SEC16A: variants seen among roughly 807,000 people sequenced by gnomAD.
The protein encoded by SEC16A is SEC16 homolog A, endoplasmic reticulum export factor.
In SEC16A, 110 loss-of-function variants were observed where a neutral mutation model predicts 221.9. That is an observed-to-expected ratio of 0.50 (90% CI 0.42 to 0.58). The LOEUF (loss-of-function observed/expected upper bound fraction) is 0.58. Ranked by LOEUF, SEC16A falls within the 20% of genes least tolerant of loss-of-function variation. The pLI, the probability that SEC16A is intolerant of heterozygous loss-of-function variation, is 0.00. For missense variants in SEC16A, 3,165 were observed against 3,097.8 expected, an observed-to-expected ratio of 1.02 and a Z score of -0.52; for synonymous variants, 1,393 against 1,257.7, an observed-to-expected ratio of 1.11 and a Z score of -2.28.
Position 136,473,308 on chromosome 9 carries a change from C to T in SEC16A, c.3567+741G>A, listed in dbSNP as rs191893469. 1.4e-3 allele frequency among the ~76,000 whole-genome samples: 212 copies of T among 152,358 alleles called. 6 individuals carry two copies. The highest frequency in any genetic ancestry group is 0.013 in the Admixed American group (195 of 15,306). On this transcript the variant is annotated intron_variant, in intron 3 of 31. Coordinates refer to ENST00000684901, the MANE Select transcript of SEC16A (RefSeq NM_014866.2). ...CCTTCTACCTGGGGTGACACTGAAT[C>T]GGTGAACCCAATCGGTGTATGTTGA...
At chr9:136,442,882 G>A (rs1836390898) in intron 31 of SEC16A, among the ~76,000 whole-genome samples, 1 of 152,232 alleles carries the variant, frequency 6.6e-6, no homozygotes, top group African/African-American at 2.4e-5. Context: ...AAGTCACCCT[G>A]GGACCTTTCT....
In SEC16A at chr9:136,455,774, T is replaced by C; in HGVS notation, c.5684A>G (p.His1895Arg). ...RQIKEGAGVW[H>R]QDGALPQQCP... is the part of the protein sequence containing the mutation. ...CTGCTGCGGGAGGGCTCCATCCTGA[T>C]GCCATACTCCAGCCCCCTCCTGAGG... Residue 1895 changes from histidine to arginine, a missense_variant, in exon 20 of 32, where the codon CAT becomes CGT. His to Arg is a conservative substitution (Grantham distance 29). Transcript: ENST00000684901. The C allele has an allele frequency of 6.2e-7, 1 of 1,600,660 alleles. No homozygotes were observed. The highest frequency in any genetic ancestry group is 8.5e-7 in the Non-Finnish European group (1 of 1,173,846).
At position 136,470,870 on chromosome 9, in the gene SEC16A, G is replaced by A. The variant is rs112020557; in HGVS notation, c.3704+1105C>T. On this transcript the variant is annotated intron_variant, in intron 4 of 31. Coordinates refer to ENST00000684901, the MANE Select transcript of SEC16A (RefSeq NM_014866.2). ...AGAAGCAATATCCCCTTGCAGGAAG[G>A]CTCTATCTGTGAGACAGTCTCTCTC... 4.6e-3 allele frequency among the ~76,000 whole-genome samples: 705 copies of A among 152,322 alleles called. 4 individuals are homozygous for A. Among genetic ancestry groups the A allele is most frequent in the Non-Finnish European group, 8.4e-3 (574 of 68,020 alleles).
At chr9:136,458,112 C>T (rs1040249956) in intron 17 of SEC16A, among the ~76,000 whole-genome samples, 1 of 151,520 alleles carries the variant, frequency 6.6e-6, no homozygotes, top group Non-Finnish European at 1.5e-5. Flanking sequence ...CATGCTGCCA[C>T]GCCTGGCTAA....
At position 136,459,140 on chromosome 9, in the gene SEC16A, A is replaced by G; in HGVS notation, c.5403T>C (p.Ser1801=). The G allele has an allele frequency of 1.2e-6, 2 of 1,607,588 alleles. No individual in the cohort carries two copies. The highest frequency in any genetic ancestry group is 1.7e-6 in the Non-Finnish European group (2 of 1,175,568). ...SLGAETCPLP[S]FQVFKFIYSC... is the part of the protein sequence containing the mutation. ...GCTGGCAGCACCTGCTTACCTGGAA[A>G]CTAGGCAGGGGGCAGGTCTCGGCAC... The change falls in exon 17 of 32, where the codon AGT becomes AGC. Residue 1801 remains serine, a synonymous_variant. Transcript: ENST00000684901. This position sits in a 1 kb window ranked among gnomAD's most constrained non-coding sequence, Gnocchi z 6.1.
chr9:136,448,416 G>A, intron 23 of SEC16A: 2 of 702,438 alleles, frequency 2.8e-6, no homozygotes, highest in Non-Finnish European at 5.2e-6. Context: ...GGATGGAGGT[G>A]GGGGGCGATC....
In SEC16A at chr9:136,472,020, C is replaced by T. The variant is rs776597126; in HGVS notation, c.3659G>A (p.Arg1220Gln). 4 of 1,611,846 alleles carry T rather than the reference C, an allele frequency of 2.5e-6. No individual in the cohort carries two copies. The highest frequency in any genetic ancestry group is 2.2e-5 in the East Asian group (1 of 44,872). The stretch of plus-strand genomic sequence containing the variant: ...GGAGTGGCTGGCTCGGGAGCTGGGC[C>T]GCTCGGGCTCGGGATAGCGGTAGTT... ...AQNYRYPEPE[R>Q]PSSRASHSSE... Residue 1220 changes from arginine to glutamine, a missense_variant, in exon 4 of 32, where the codon CGG (arginine) becomes CAG (glutamine). Around this residue, in one of 3 missense-constraint regions of SEC16A, gnomAD observed 2,030 missense variants for 1,923.1 expected, o/e 1.06. Coordinates refer to ENST00000684901, the MANE Select transcript of SEC16A (RefSeq NM_014866.2).
chr9:136,468,595 G>T, intron 4 of SEC16A, 83 bp from the exon 5 acceptor site: 1 of 856,986 alleles, frequency 1.2e-6, no homozygotes, highest in Non-Finnish European at 1.9e-6. Context: ...CATTCCCAAA[G>T]CAATGGGCAT....
intron 1 of SEC16A, among the ~76,000 whole-genome samples, chr9:136,479,999 CAA>C (rs11330512): frequency 7.0e-6 from 1 of 143,794 alleles, no homozygotes; most frequent in African/African-American, 2.6e-5. Flanking sequence ...GAAACTGTCT[CAA>C]AAAAAAAAAG....
rs1840233981 is a variant in SEC16A at position 136,466,895 on chromosome 9, G to A, written c.3929+62C>T. The A allele has an allele frequency of 1.3e-6, 2 of 1,554,692 alleles. No individual in the cohort carries two copies. The highest frequency in any genetic ancestry group is 1.9e-5 in the Admixed American group (1 of 51,488). On this transcript the variant is annotated intron_variant, in intron 6 of 31. Transcript: ENST00000684901. The surrounding 1 kb of genome is among the most constrained non-coding windows in gnomAD (Gnocchi z 5.5). ...TTGTTAAAACCCAGACATGAGGGCAGAGAAGCACTAGCGCGCCCTGGCTGC... is the reference window on the plus strand; with the variant it reads ...TTGTTAAAACCCAGACATGAGGGCAAAGAAGCACTAGCGCGCCCTGGCTGC...
chr9:136,456,094 T>G lies in SEC16A; in HGVS notation c.5623A>C (p.Thr1875Pro). Residue 1875 changes from threonine to proline, a missense_variant, in exon 19 of 32, where the codon ACG (threonine) becomes CCG (proline). Coordinates refer to ENST00000684901, the MANE Select transcript of SEC16A (RefSeq NM_014866.2). ...ACCTGCTGCAGGTGAACCAGCCACG[T>G]GGGTGCGGCCAAGGACTCCTCTTCT... Reference protein sequence around the residue: ...KPEEESLAAPTWLVHLQQVER... With the variant: ...KPEEESLAAPPWLVHLQQVER... 1 of 1,613,024 alleles carries G rather than the reference T, an allele frequency of 6.2e-7. No homozygotes were observed. The highest frequency in any genetic ancestry group is 8.5e-7 in the Non-Finnish European group (1 of 1,179,750).
intron 12 of SEC16A, among the ~76,000 whole-genome samples, chr9:136,462,552 G>A (rs950430255): frequency 8.6e-4 from 131 of 152,308 alleles, no homozygotes; most frequent in African/African-American, 3.0e-3. Flanking sequence ...TTGTGAGAAT[G>A]CCACAACTTG....
chr9:136,474,936 G>C lies in SEC16A; in HGVS notation c.2680C>G (p.Leu894Val). ...SLSGIPTSSV[L>V]SLSLPSSVAQ... ...ACACTGCTAGGCAGAGACAAGCTAA[G>C]GACAGAGCTGGTTGGAATCCCAGAC... The change falls in exon 3 of 32, where the codon CTT becomes GTT. Residue 894 changes from leucine to valine, a missense_variant. Leu to Val is a conservative substitution (Grantham distance 32). This residue lies in a region of SEC16A where 2,030 missense variants were observed against 1,923.1 expected (regional missense o/e 1.06). Transcript: ENST00000684901. The C allele has an allele frequency of 6.2e-7, 1 of 1,613,842 alleles. No homozygotes were observed. Among genetic ancestry groups the C allele is most frequent in the African/African-American group, 1.3e-5 (1 of 75,010 alleles).
chr9:136,453,478 A>G lies in SEC16A; in HGVS notation c.6109T>C (p.Ser2037Pro), dbSNP rs773017219. ...IVPQEAPVGN[S>P]LSELSEENFD... is the part of the protein sequence containing the mutation. The stretch of plus-strand genomic sequence containing the variant: ...TTTTCTTCGCTTAGCTCGGAAAGTG[A>G]GTTTCCAACAGGCGCCTCCTGCGGC... The change falls in exon 22 of 32, where the codon TCA (serine) becomes CCA (proline). Residue 2037 changes from serine (S) to proline (P), a missense_variant. Physicochemically the swap from Ser to Pro is moderately conservative, Grantham distance 74. Around this residue, in one of 3 missense-constraint regions of SEC16A, gnomAD observed 1,088 missense variants for 1,089.6 expected, o/e 1.00. Coordinates refer to ENST00000684901, the MANE Select transcript of SEC16A (RefSeq NM_014866.2). 12 of 1,613,514 alleles carry G rather than the reference A, an allele frequency of 7.4e-6. No homozygotes were observed. In the South Asian group the frequency reaches 1.3e-4, roughly 18 times the overall value.
At position 136,466,691 on chromosome 9, in the gene SEC16A, G is replaced by A. The variant is rs572880332; in HGVS notation, c.3930-229C>T. 1.3e-5 allele frequency among the ~76,000 whole-genome samples: 2 copies of A among 152,328 alleles called. No individual in the cohort carries two copies. Among genetic ancestry groups the A allele is most frequent in the South Asian group, 2.1e-4 (1 of 4,828 alleles). ...CAGGGCGCGACCGGTAAGAAGGGAC[G>A]ATGAGAAAGAGTGAGCCCAATCTCC... On this transcript the variant is annotated intron_variant, in intron 6 of 31. Coordinates refer to ENST00000684901, the MANE Select transcript of SEC16A (RefSeq NM_014866.2). This position sits in a 1 kb window ranked among gnomAD's most constrained non-coding sequence, Gnocchi z 5.5.
chr9:136,467,401 T>TA (rs1417234204), intron 5 of SEC16A, among the ~76,000 whole-genome samples: 14 of 152,254 alleles, frequency 9.2e-5, no homozygotes, highest in Non-Finnish European at 1.5e-4. Context: ...GATGGGGTCT[T>TA]ACTATGTTTC....
At chr9:136,448,184 C>T (rs753712764) in intron 23 of SEC16A, 23 bp from the exon 24 acceptor site, 1 of 1,593,432 alleles carries the variant, frequency 6.3e-7, no homozygotes, top group Non-Finnish European at 8.6e-7. Context: ...AACACGAGAA[C>T]AACTTTGAAA....
Position 136,476,009 on chromosome 9 carries a change from G to C in SEC16A, c.1607C>G (p.Ser536Ter). 6.2e-7 allele frequency: 1 copy of C among 1,613,514 alleles called. No individual in the cohort carries two copies. Among genetic ancestry groups the C allele is most frequent in the Non-Finnish European group, 8.5e-7 (1 of 1,179,894 alleles). Residue 536 changes from serine (S) to a stop codon, truncating the protein, a stop_gained, in exon 3 of 32, where the codon TCA (serine) becomes TGA (stop). Coordinates refer to ENST00000684901, the MANE Select transcript of SEC16A (RefSeq NM_014866.2). LOFTEE classifies it high-confidence loss of function. ...GCCAACCAGCTCCTGGGGCCTGGCT[G>C]AGCCTGAGAGCCTTCCGTGGCTTCT... Reference protein sequence around the residue: ...SSRSHGRLSGSARPQELVGTF... With the variant: ...SSRSHGRLSG
intron 22 of SEC16A, among the ~76,000 whole-genome samples, chr9:136,451,665 C>T (rs1837833741): frequency 6.6e-6 from 1 of 152,180 alleles, no homozygotes; most frequent in African/African-American, 2.4e-5. Context: ...ACTCAGCACT[C>T]AGAATGCAAA....
Sources: allele counts gnomAD v4.1 joint callset (sites outside exome capture counted in the v4.1 genomes callset), GRCh38; gene constraint gnomAD v4.1.1; regional missense constraint gnomAD v4.1.1; non-coding constraint Gnocchi (gnomAD v3.1); transcripts MANE v1.5; gene names NCBI Gene and HGNC (gene_info 2026-07-23, HGNC 2026-07-21).